Variants in UTP4 observed in about 807,000 individuals in gnomAD.
The protein encoded by UTP4 is UTP4 small subunit processome component, also known as U3 small nucleolar RNA-associated protein 4 homolog.
In UTP4, 45 loss-of-function variants were observed where a neutral mutation model predicts 82.4. The ratio of observed to expected loss-of-function variants is 0.55; its 90% confidence interval spans 0.43 to 0.70. UTP4 has a LOEUF of 0.70. Ranked by LOEUF, UTP4 falls within the 30% of genes least tolerant of loss-of-function variation. The pLI is 0.00. For synonymous variants in UTP4, 348 were observed against 300.3 expected (o/e 1.16, Z -1.64); for missense variants, 819 against 858.3 (o/e 0.95, Z 0.57).
At chr16:69,135,841 C>T (rs1962796798) in intron 2 of UTP4, among the ~76,000 whole-genome samples, 1 of 152,114 alleles carries the variant, frequency 6.6e-6, no homozygotes, top group South Asian at 2.1e-4. Context: ...GCCTGACCAA[C>T]ATGGAGAAAC....
chr16:69,133,681 T>C, intron 2 of UTP4, 63 bp downstream of exon 2: 1 of 1,533,582 alleles, frequency 6.5e-7, no homozygotes, highest in Non-Finnish European at 9.0e-7. Context: ...TTCAAGAAGC[T>C]TGTATGTCTT....
intron 16 of UTP4, 197 bp downstream of exon 16, chr16:69,167,382 G>A (rs1963727945): frequency 1.7e-6 from 1 of 591,130 alleles, no homozygotes; most frequent in Middle Eastern, 4.6e-4. Flanking sequence ...GTTAGAGGCA[G>A]GCACATCATA....
intron 1 of UTP4, chr16:69,133,038 A>G (rs948034796): frequency 3.7e-6 from 1 of 272,046 alleles, no homozygotes; most frequent in Non-Finnish European, 7.2e-6. Flanking sequence ...CAGACCAGGC[A>G]GCCAGATTAA....
At chr16:69,159,559 A>G (rs1380184231) in intron 12 of UTP4, among the ~76,000 whole-genome samples, 3 of 151,840 alleles carry the variant, frequency 2.0e-5, no homozygotes, top group Non-Finnish European at 4.4e-5. Context: ...GTGGTGGTGC[A>G]CGCCTGTAGT....
chr16:69,150,422 A>T, intron 6 of UTP4, 115 bp from the exon 7 acceptor site: 1 of 1,151,772 alleles, frequency 8.7e-7, no homozygotes, highest in Non-Finnish European at 1.3e-6. Context: ...TAACTTTCCT[A>T]CTGATTCTGG....
At chr16:69,156,649 G>T (rs1300335839) in intron 11 of UTP4, among the ~76,000 whole-genome samples, 1 of 151,524 alleles carries the variant, frequency 6.6e-6, no homozygotes, top group African/African-American at 2.4e-5. Context: ...AGTAGAGATG[G>T]GGTTTCACCA....
intron 11 of UTP4, among the ~76,000 whole-genome samples, chr16:69,156,305 C>T (rs1346227774): frequency 6.6e-6 from 1 of 151,884 alleles, no homozygotes; most frequent in Non-Finnish European, 1.5e-5. Flanking sequence ...CAAGCACCCA[C>T]CACCACACCT....
intron 15 of UTP4, chr16:69,166,261 G>A (rs1294706762): frequency 6.4e-6 from 1 of 156,916 alleles, no homozygotes; most frequent in Non-Finnish European, 1.4e-5. Context: ...TGAAGGTGGG[G>A]GTGGAAGGAA....
At chr16:69,141,433 G>A (rs371290775) in intron 5 of UTP4, among the ~76,000 whole-genome samples, 2 of 152,282 alleles carry the variant, frequency 1.3e-5, no homozygotes, top group East Asian at 3.9e-4. Context: ...CGTATTATTA[G>A]CAAGTAAGCT....
At chr16:69,164,126 C>T (rs1239614847) in intron 14 of UTP4, among the ~76,000 whole-genome samples, 6 of 151,878 alleles carry the variant, frequency 4.0e-5, no homozygotes, top group Admixed American at 6.6e-5. Context: ...CCTTGTGATC[C>T]GCCCGCCTCG....
chr16:69,132,950 C>G (rs1009620048), intron 1 of UTP4: 1 of 206,560 alleles, frequency 4.8e-6, no homozygotes. Context: ...GAGGGGCGAA[C>G]AAGACCTGGT....
At chr16:69,164,880 T>C (rs576409788) in intron 14 of UTP4, among the ~76,000 whole-genome samples, 2 of 152,160 alleles carry the variant, frequency 1.3e-5, no homozygotes, top group South Asian at 4.1e-4. Flanking sequence ...CAGAACGCTA[T>C]GTATTATGTG....
At chr16:69,152,814 A>G (rs578100358) in intron 8 of UTP4, among the ~76,000 whole-genome samples, 22 of 152,054 alleles carry the variant, frequency 1.4e-4, no homozygotes, top group East Asian at 7.7e-4. Flanking sequence ...AATAGAGGCA[A>G]GATCTCACTA....
chr16:69,154,954 A>G (rs955161812), intron 10 of UTP4, among the ~76,000 whole-genome samples: 1 of 152,078 alleles, frequency 6.6e-6, no homozygotes, highest in Non-Finnish European at 1.5e-5. Flanking sequence ...TCCCGACCTC[A>G]GGTGATCCGC....
rs369811172 is a variant in UTP4 at position 69,156,009 on chromosome 16, A to G, written c.1287+16A>G. ...CCTCAAAAGGGTAAGTGATAGTCCA[A>G]TATCTGGTCACATAAGAGGAAACTT... On this transcript the variant is annotated intron_variant, in intron 11 of 16. Transcript: ENST00000314423. 6.8e-6 allele frequency: 11 copies of G among 1,613,800 alleles called. No individual in the cohort carries two copies. In the African/African-American group the frequency reaches 1.2e-4, roughly 18 times the overall value.
At chr16:69,144,820 C>T (rs1411916733) in intron 6 of UTP4, among the ~76,000 whole-genome samples, 1 of 152,110 alleles carries the variant, frequency 6.6e-6, no homozygotes, top group Non-Finnish European at 1.5e-5. Flanking sequence ...GAGTTTTAAT[C>T]CACAGCAGTT....
intron 4 of UTP4, chr16:69,139,144 T>A (rs1962891007): frequency 6.6e-6 from 1 of 151,294 alleles, no homozygotes; most frequent in African/African-American, 2.4e-5. Context: ...AGTTTTTGTG[T>A]TTTTAGTAGA....
intron 14 of UTP4, among the ~76,000 whole-genome samples, chr16:69,163,675 G>A (rs1180701991): frequency 3.6e-5 from 5 of 138,090 alleles, no homozygotes; most frequent in Admixed American, 2.2e-4. Context: ...GTGATTATAA[G>A]GAGATCTTTA....
Position 69,168,979 on chromosome 16 carries a change from G to C in UTP4, c.*42G>C. On this transcript the variant is annotated 3_prime_UTR_variant, in exon 17 of 17. Transcript: ENST00000314423. ...TGTCCTTCCTTGAACTGTCTACCCT[G>C]TTGCTTTTCACAAATCATGGTAATA... The C allele has an allele frequency of 8.3e-7, 1 of 1,206,314 alleles. No homozygotes were observed. Among genetic ancestry groups the C allele is most frequent in the Non-Finnish European group, 1.2e-6 (1 of 807,460 alleles). 74.7% of individuals were successfully genotyped at this position (1,206,314 alleles called of 1,614,324 possible).
Sources: gnomAD v4.1 joint callset for allele counts (sites outside exome capture counted in the v4.1 genomes callset) on GRCh38, gnomAD v4.1.1 for gene constraint, MANE v1.5 for transcripts, NCBI Gene and HGNC (gene_info 2026-07-23, HGNC 2026-07-21) for gene names.